The following ESRRG variants were observed in gnomAD, a reference collection of about 807,000 sequenced individuals.
ESRRG encodes the protein estrogen related receptor gamma.
A neutral mutation model predicts 44.0 loss-of-function variants in ESRRG; 13 were observed. The observed-to-expected ratio is 0.30, with a 90% CI of 0.19 to 0.47. The LOEUF (loss-of-function observed/expected upper bound fraction) is 0.47. ESRRG is among the 20% of genes least tolerant of loss of function. The pLI is 1.00. For synonymous variants in ESRRG, 215 were observed against 214.6 expected (o/e 1.00, Z -0.02); for missense variants, 395 against 580.6 (o/e 0.68, Z 3.29).
chr1:216,556,271 G>A (rs145040947), intron 5 of ESRRG, among the ~76,000 whole-genome samples: 26 of 152,138 alleles, frequency 1.7e-4, no homozygotes, highest in African/African-American at 6.3e-4. Context: ...GGATATTGAT[G>A]TTTTGATAAT....
chr1:217,070,115 G>A (rs9658798), intron 1 of ESRRG, among the ~76,000 whole-genome samples: 9,877 of 152,138 alleles, frequency 0.065, 439 homozygotes, highest in African/African-American at 0.12. Context: ...CAGGAAGTGG[G>A]GGTAAAATGC....
rs535451755 is a variant in ESRRG, at chr1:216,512,890, T to A, written c.1133-5707A>T. On this transcript the variant is annotated intron_variant, in intron 6 of 6. Coordinates refer to ENST00000408911, the MANE Select transcript of ESRRG (RefSeq NM_001438.4). ...AGGAAGAAGAAGGCAATGTTACCAC[T>A]GAGGCAAAATGCTACTGCTGGCTTT... Among the ~76,000 whole-genome samples, 178 of 152,252 alleles carry A rather than the reference T, an allele frequency of 1.2e-3. 1 individual carries two copies. The highest frequency in any genetic ancestry group is 4.1e-3 in the African/African-American group (169 of 41,540).
chr1:216,981,140 G>A (rs113234812), intron 1 of ESRRG, among the ~76,000 whole-genome samples: 2,502 of 152,242 alleles, frequency 0.016, 35 homozygotes, highest in Admixed American at 0.027. Context: ...TGCCCTTGCT[G>A]CCATTACAGC....
intron 1 of ESRRG, among the ~76,000 whole-genome samples, chr1:217,006,500 T>C (rs1293484397): frequency 2.0e-5 from 3 of 152,142 alleles, no homozygotes; most frequent in Non-Finnish European, 4.4e-5. Flanking sequence ...ACTGGCTTAA[T>C]AACAAAGATT....
chr1:216,807,476 C>A (rs771209587), intron 2 of ESRRG, among the ~76,000 whole-genome samples: 16 of 152,024 alleles, frequency 1.1e-4, no homozygotes, highest in Non-Finnish European at 2.1e-4. Flanking sequence ...AACATAGTTT[C>A]TTTTATTTCT....
chr1:216,808,167 T>A (rs998914450), intron 2 of ESRRG, among the ~76,000 whole-genome samples: 1 of 152,104 alleles, frequency 6.6e-6, no homozygotes, highest in African/African-American at 2.4e-5. Context: ...TGGAGAAACA[T>A]CCAAATATGC....
At chr1:216,850,151 A>G (rs756924547) in intron 2 of ESRRG, among the ~76,000 whole-genome samples, 18 of 152,118 alleles carry the variant, frequency 1.2e-4, no homozygotes, top group Admixed American at 1.3e-4. Flanking sequence ...ACAATTTAAA[A>G]TGTAGATAGC....
At chr1:216,698,824 C>G (rs371448193) in intron 1 of ESRRG, among the ~76,000 whole-genome samples, 2 of 152,262 alleles carry the variant, frequency 1.3e-5, no homozygotes, top group South Asian at 4.2e-4. Context: ...ACCAAAGCGT[C>G]TGTGCCTCAG....
At chr1:216,865,760 C>G (rs2096145749) in intron 2 of ESRRG, among the ~76,000 whole-genome samples, 1 of 152,168 alleles carries the variant, frequency 6.6e-6, no homozygotes, top group Non-Finnish European at 1.5e-5. Context: ...GATACTAGAA[C>G]TGTCTTTTAC....
chr1:217,021,436 A>T (rs570725616), intron 1 of ESRRG, among the ~76,000 whole-genome samples: 36 of 152,234 alleles, frequency 2.4e-4, no homozygotes, highest in Non-Finnish European at 3.5e-4. Context: ...GGAATTGGTC[A>T]TCAAGTGGCA....
chr1:216,876,764 A>G (rs964284464), intron 2 of ESRRG, among the ~76,000 whole-genome samples: 7 of 152,074 alleles, frequency 4.6e-5, no homozygotes, highest in African/African-American at 1.7e-4. Flanking sequence ...TTTAACCAGC[A>G]CCGTGTCATA....
intron 3 of ESRRG, among the ~76,000 whole-genome samples, chr1:216,583,566 T>C (rs1311160268): frequency 1.3e-5 from 2 of 152,218 alleles, no homozygotes; most frequent in Non-Finnish European, 2.9e-5. Context: ...ATGGCTGGCC[T>C]CTTAGCATTC....
chr1:216,916,158 ATTGAG>A (rs1339001854), intron 2 of ESRRG, among the ~76,000 whole-genome samples: 2 of 152,146 alleles, frequency 1.3e-5, no homozygotes, highest in Non-Finnish European at 2.9e-5. Flanking sequence ...CAGAGAAGCA[ATTGAG>A]TTGAGAGAAT....
rs185689827 is a variant in ESRRG at position 216,894,804 on chromosome 1, A to T, written c.-14+44778T>A. Among the ~76,000 whole-genome samples the T allele has an allele frequency of 3.3e-5, 5 of 152,270 alleles. No individual in the cohort carries two copies. The East Asian group carries it at 5.8e-4, about 18-fold the overall frequency. On this transcript the variant is annotated intron_variant, in intron 2 of 7. Coordinates refer to the ESRRG transcript ENST00000359162. Reference sequence around the variant, plus strand: ...GGAATGAACCAGCATTAGCCCCTAGACTAATCAATGGGAAAATCACTCCAA... The same window carrying T: ...GGAATGAACCAGCATTAGCCCCTAGTCTAATCAATGGGAAAATCACTCCAA...
intron 2 of ESRRG, among the ~76,000 whole-genome samples, chr1:216,792,496 A>G (rs2094350153): frequency 6.6e-6 from 1 of 152,198 alleles, no homozygotes; most frequent in Admixed American, 6.5e-5. Context: ...ATTCAGGGAA[A>G]AAGGGGAGGT....
At chr1:216,872,545 C>T (rs977287487) in intron 2 of ESRRG, among the ~76,000 whole-genome samples, 1 of 151,974 alleles carries the variant, frequency 6.6e-6, no homozygotes, top group Non-Finnish European at 1.5e-5. Context: ...GATTTATTTT[C>T]GAGTTTACTG....
At chr1:217,026,780 T>C (rs781019485) in intron 1 of ESRRG, among the ~76,000 whole-genome samples, 7 of 151,850 alleles carry the variant, frequency 4.6e-5, no homozygotes, top group Admixed American at 1.3e-4. Flanking sequence ...CAATAAACAT[T>C]CCATGCAGAG....
chr1:216,926,430 AT>A (rs902044646), intron 2 of ESRRG, among the ~76,000 whole-genome samples: 3 of 147,608 alleles, frequency 2.0e-5, no homozygotes, highest in African/African-American at 7.4e-5. Context: ...AAAAAAAAAA[AT>A]CACTCCTGTT....
At chr1:216,995,206 C>T (rs1219744433) in intron 1 of ESRRG, among the ~76,000 whole-genome samples, 3 of 152,116 alleles carry the variant, frequency 2.0e-5, no homozygotes, top group African/African-American at 7.2e-5. Flanking sequence ...TTCTTCTATT[C>T]TCTTTATATA....
Sources: allele counts gnomAD v4.1 joint callset (sites outside exome capture counted in the v4.1 genomes callset), GRCh38; gene constraint gnomAD v4.1.1; transcripts MANE v1.5; gene names NCBI Gene and HGNC (gene_info 2026-07-23, HGNC 2026-07-21).